The following CDC40 variants were observed in gnomAD, a reference collection of about 807,000 sequenced individuals.
CDC40 encodes the protein pre-mRNA-processing factor 17.
CDC40 carries 27 observed loss-of-function variants against 80.6 expected under a neutral mutation model. That is an observed-to-expected ratio of 0.33 (90% CI 0.25 to 0.46). The LOEUF is 0.46. Among genes scored for constraint, CDC40 ranks in the 20% least tolerant of loss-of-function variants. CDC40 has a pLI of 1.00. For synonymous variants in CDC40, 221 were observed against 232.6 expected (o/e 0.95, Z 0.45); for missense variants, 486 against 694.1 (o/e 0.70, Z 3.37).
chr6:110,192,115 A>C (rs1316307730), intron 1 of CDC40, among the ~76,000 whole-genome samples: 1 of 152,152 alleles, frequency 6.6e-6, no homozygotes, highest in Non-Finnish European at 1.5e-5. Context: ...GGGGGTTTAG[A>C]GCATAGGAGT....
intron 1 of CDC40, among the ~76,000 whole-genome samples, chr6:110,184,836 T>G (rs1777243831): frequency 6.6e-6 from 1 of 152,084 alleles, no homozygotes; most frequent in Non-Finnish European, 1.5e-5. Flanking sequence ...TATAAAACAA[T>G]GTAAGCTCAA....
chr6:110,230,116 T>C lies in CDC40; in HGVS notation c.1725T>C (p.Ile575=). 6.2e-7 allele frequency: 1 copy of C among 1,609,314 alleles called. No homozygotes were observed. Among genetic ancestry groups the C allele is most frequent in the South Asian group, 1.1e-5 (1 of 90,752 alleles). ...TAACATGTGGTTGGGATGGTCTCAT[T>C]AAATTGTGGGATTAATGAGATTAAT... ...KVITCGWDGL[I]KLWD is the part of the protein sequence containing the mutation. Residue 575 remains isoleucine (I), a synonymous_variant, in exon 15 of 15, where the codon ATT becomes ATC. Transcript: ENST00000307731.
chr6:110,212,367 G>A, intron 7 of CDC40, 95 bp downstream of exon 7: 1 of 1,291,216 alleles, frequency 7.7e-7, no homozygotes, highest in Non-Finnish European at 1.1e-6. Context: ...AGTATTTCTG[G>A]TAAAGGTACA....
chr6:110,210,962 C>G (rs1483761368), intron 6 of CDC40, 159 bp downstream of exon 6: 4 of 328,386 alleles, frequency 1.2e-5, no homozygotes, highest in Non-Finnish European at 2.3e-5. Flanking sequence ...GAAATTACAG[C>G]AGACTTCTGT....
chr6:110,223,165 G>A (rs9487317), intron 12 of CDC40, among the ~76,000 whole-genome samples: 37,205 of 151,972 alleles, frequency 0.24, 5,177 homozygotes, highest in African/African-American at 0.39. Flanking sequence ...GCTCACTGCA[G>A]CCTTGAACTC....
rs181203033 is a variant in CDC40, at chr6:110,199,244, A to G, written c.277-2314A>G. Among the ~76,000 whole-genome samples the G allele has an allele frequency of 2.0e-4, 30 of 152,300 alleles. No individual in the cohort carries two copies. The East Asian group carries it at 5.6e-3, about 28-fold the overall frequency. Reference sequence around the variant, plus strand: ...TATTATACATAGCCTTAATATATGGATCTGTCTTTGTATAGAAATCACAGT... The same window carrying G: ...TATTATACATAGCCTTAATATATGGGTCTGTCTTTGTATAGAAATCACAGT... On this transcript the variant is annotated intron_variant, in intron 2 of 14. Transcript: ENST00000307731.
chr6:110,208,195 A>G (rs957551190), intron 4 of CDC40, among the ~76,000 whole-genome samples: 3 of 152,230 alleles, frequency 2.0e-5, no homozygotes, highest in African/African-American at 7.2e-5. Flanking sequence ...TGTGCTTAGT[A>G]GCTATAGATC....
chr6:110,201,741 C>A, intron 3 of CDC40, 54 bp downstream of exon 3: 1 of 1,509,580 alleles, frequency 6.6e-7, no homozygotes, highest in South Asian at 1.2e-5. Flanking sequence ...GAAGTGTGAT[C>A]TGTGTGTGTT....
intron 2 of CDC40, among the ~76,000 whole-genome samples, chr6:110,196,222 G>A (rs1261600165): frequency 6.6e-6 from 1 of 152,180 alleles, no homozygotes; most frequent in African/African-American, 2.4e-5. Context: ...ATAATTGGAA[G>A]ACCAGTTTGA....
chr6:110,225,271 C>G (rs1343055909), intron 12 of CDC40, among the ~76,000 whole-genome samples: 1 of 151,876 alleles, frequency 6.6e-6, no homozygotes, highest in Non-Finnish European at 1.5e-5. Flanking sequence ...TGTTATTCAT[C>G]AGATTACAAA....
rs71562219 is a variant in CDC40, at chr6:110,224,115, C to T, written c.1341-2052C>T. 9.6e-3 allele frequency among the ~76,000 whole-genome samples: 1,450 copies of T among 151,774 alleles called. 24 individuals carry two copies. The highest frequency in any genetic ancestry group is 0.034 in the African/African-American group (1,401 of 41,422). On this transcript the variant is annotated intron_variant, in intron 12 of 14. Coordinates refer to ENST00000307731, the MANE Select transcript of CDC40 (RefSeq NM_015891.3). ...CAAAGTGCTGGGATTACACTGCACC[C>T]GGCCAACTTGTGGTATTTTAATCGA... is the stretch of plus-strand genomic sequence containing the variant.
intron 11 of CDC40, 52 bp downstream of exon 11, chr6:110,219,531 G>A (rs1418455241): frequency 8.5e-7 from 1 of 1,172,264 alleles, no homozygotes; most frequent in Non-Finnish European, 1.3e-6. Context: ...TGTTGTATAA[G>A]GGGATGGAAT....
chr6:110,229,020 T>C, intron 14 of CDC40, 44 bp downstream of exon 14: 2 of 1,455,086 alleles, frequency 1.4e-6, no homozygotes. Flanking sequence ...CAAATATGAT[T>C]ATATAAACTG....
chr6:110,191,007 T>C (rs1209825427), intron 1 of CDC40, among the ~76,000 whole-genome samples: 1 of 151,974 alleles, frequency 6.6e-6, no homozygotes, highest in Admixed American at 6.6e-5. Flanking sequence ...ATTGAAGTCA[T>C]GAAAAGGATA....
At chr6:110,183,143 T>C (rs919423247) in intron 1 of CDC40, among the ~76,000 whole-genome samples, 11 of 152,224 alleles carry the variant, frequency 7.2e-5, no homozygotes, top group African/African-American at 2.7e-4. Flanking sequence ...TCAGTGTATA[T>C]GTTTCCTCCT....
chr6:110,198,724 A>G (rs1035984445), intron 2 of CDC40, among the ~76,000 whole-genome samples: 4 of 152,220 alleles, frequency 2.6e-5, no homozygotes, highest in African/African-American at 9.6e-5. Context: ...ATTGTTAAAT[A>G]CGCATATGAA....
intron 1 of CDC40, among the ~76,000 whole-genome samples, chr6:110,188,872 T>C (rs2114648905): frequency 6.6e-6 from 1 of 152,358 alleles, no homozygotes; most frequent in East Asian, 1.9e-4. Flanking sequence ...ATGATTAATT[T>C]TGAATTGTGA....
chr6:110,188,790 G>A (rs1316738331), intron 1 of CDC40, among the ~76,000 whole-genome samples: 7 of 152,180 alleles, frequency 4.6e-5, no homozygotes, highest in Non-Finnish European at 1.0e-4. Flanking sequence ...GCAGCATCCA[G>A]TGGTAGCCAT....
chr6:110,197,348 A>T (rs1344826910), intron 2 of CDC40, among the ~76,000 whole-genome samples: 2 of 152,218 alleles, frequency 1.3e-5, no homozygotes, highest in Non-Finnish European at 2.9e-5. Flanking sequence ...ACAATGTACA[A>T]TGTGTTTTTT....
Sources: gnomAD v4.1 joint callset for allele counts (sites outside exome capture counted in the v4.1 genomes callset) on GRCh38, gnomAD v4.1.1 for gene constraint, MANE v1.5 for transcripts, NCBI Gene and HGNC (gene_info 2026-07-23, HGNC 2026-07-21) for gene names.